Variants in PRSS12 observed in about 807,000 individuals in gnomAD.
PRSS12 encodes serine protease 12.
PRSS12 carries 85 observed loss-of-function variants against 104.4 expected under a neutral mutation model. The observed-to-expected ratio is 0.81, with a 90% CI of 0.68 to 0.98. The LOEUF (loss-of-function observed/expected upper bound fraction) is 0.98. Among genes scored for constraint, PRSS12 ranks in the 50% least tolerant of loss-of-function variants. The probability of loss-of-function intolerance (pLI) is 0.00; values close to 1 mark genes in which losing one functional copy is unlikely to be tolerated. For synonymous variants in PRSS12, 454 were observed against 425.2 expected, an observed-to-expected ratio of 1.07 and a Z score of -0.83; for missense variants, 1,141 against 1,139.2, an observed-to-expected ratio of 1.00 and a Z score of -0.02.
At chr4:118,295,720 A>C in intron 10 of PRSS12, 58 bp downstream of exon 10, 1 of 1,472,816 alleles carries the variant, frequency 6.8e-7, no homozygotes, top group Non-Finnish European at 9.5e-7. Flanking sequence ...AGTTTGTAAC[A>C]CTCTATGTAT....
intron 7 of PRSS12, among the ~76,000 whole-genome samples, chr4:118,310,697 T>C (rs1560773301): frequency 6.6e-6 from 1 of 152,214 alleles, no homozygotes; most frequent in African/African-American, 2.4e-5. Context: ...ATTATTTTTA[T>C]AAAATACTAC....
chr4:118,299,522 T>C (rs1743338374), intron 8 of PRSS12, among the ~76,000 whole-genome samples: 4 of 151,432 alleles, frequency 2.6e-5, no homozygotes, highest in South Asian at 4.2e-4. Context: ...CTACTAAAAA[T>C]ACAAAAATTT....
chr4:118,352,608 G>A lies in PRSS12; in HGVS notation c.113C>T (p.Pro38Leu). ...SLHHSHRHSP[P>L]AGPHYPYYLP... ...GTAATAGGGGTAGTGCGGACCCGCA[G>A]GGGGCGAATGGCGGTGGCTGTGGTG... The change falls in exon 1 of 13, where the codon CCT becomes CTT. Residue 38 changes from proline (P) to leucine (L), a missense_variant. Transcript: ENST00000296498. 6.2e-7 allele frequency: 1 copy of A among 1,610,788 alleles called. No homozygotes were observed. Among genetic ancestry groups the A allele is most frequent in the Non-Finnish European group, 8.5e-7 (1 of 1,178,670 alleles).
chr4:118,336,831 A>G (rs1724075707), intron 2 of PRSS12, among the ~76,000 whole-genome samples: 2 of 152,194 alleles, frequency 1.3e-5, no homozygotes, highest in African/African-American at 4.8e-5. Context: ...AATTTATTAC[A>G]TCTCTTGCCC....
intron 11 of PRSS12, among the ~76,000 whole-genome samples, chr4:118,284,285 T>C (rs1030335755): frequency 8.5e-5 from 13 of 152,178 alleles, no homozygotes; most frequent in Non-Finnish European, 1.9e-4. Context: ...TAGTCACGTG[T>C]TCCCTGTTAG....
chr4:118,334,612 ATTGGCTCTTC>A (rs1724016234), intron 3 of PRSS12, among the ~76,000 whole-genome samples: 2 of 152,180 alleles, frequency 1.3e-5, no homozygotes, highest in African/African-American at 4.8e-5. Context: ...ATATCCCTCC[ATTGGCTCTTC>A]CAGCCAATCC....
intron 11 of PRSS12, among the ~76,000 whole-genome samples, chr4:118,287,323 T>G (rs1743037079): frequency 6.6e-6 from 1 of 152,164 alleles, no homozygotes; most frequent in African/African-American, 2.4e-5. Context: ...TTTCAAAAAT[T>G]ATTTTTTGTA....
At chr4:118,302,462 A>C (rs1388217632) in intron 8 of PRSS12, among the ~76,000 whole-genome samples, 4 of 152,130 alleles carry the variant, frequency 2.6e-5, no homozygotes, top group Admixed American at 2.6e-4. Flanking sequence ...ACTGGTGAAA[A>C]GTCGCCCAGG....
intron 4 of PRSS12, among the ~76,000 whole-genome samples, chr4:118,318,845 A>G (rs972814): frequency 0.52 from 79,478 of 151,972 alleles, 21,119 homozygotes; most frequent in South Asian, 0.6. Context: ...CCAAAATTAA[A>G]ATCACATTTT....
chr4:118,318,315 C>G (rs1723501124), intron 5 of PRSS12, 63 bp downstream of exon 5: 1 of 1,494,108 alleles, frequency 6.7e-7, no homozygotes. Flanking sequence ...AGAAGGGAAG[C>G]TGTGGCAGGC....
At chr4:118,300,795 C>T (rs977194709) in intron 8 of PRSS12, among the ~76,000 whole-genome samples, 1 of 151,982 alleles carries the variant, frequency 6.6e-6, no homozygotes, top group Non-Finnish European at 1.5e-5. Flanking sequence ...TAATGGCATA[C>T]AATAGACAAA....
chr4:118,352,114 C>T, intron 1 of PRSS12, 105 bp downstream of exon 1: 1 of 1,503,406 alleles, frequency 6.7e-7, no homozygotes, highest in Non-Finnish European at 8.9e-7. Flanking sequence ...AAGCCCACAA[C>T]CCCACACACC....
chr4:118,331,777 C>T lies in PRSS12; in HGVS notation c.910G>A (p.Val304Ile), dbSNP rs781361976. ...ELYHAGQWGT[V>I]CDDQWDDADA... Reference sequence around the variant, plus strand: ...GCATCATCCCATTGGTCATCACAAACGGTTCCCCACTGGCCAGCATGGTAG... The same window carrying T: ...GCATCATCCCATTGGTCATCACAAATGGTTCCCCACTGGCCAGCATGGTAG... The change falls in exon 4 of 13, where the codon GTT becomes ATT. Residue 304 changes from valine (V) to isoleucine (I), a missense_variant. Coordinates refer to ENST00000296498, the MANE Select transcript of PRSS12 (RefSeq NM_003619.4). 22 of 1,614,058 alleles carry T rather than the reference C, an allele frequency of 1.4e-5. No individual in the cohort carries two copies. Among genetic ancestry groups the T allele is most frequent in the Admixed American group, 1.2e-4 (7 of 60,004 alleles).
In PRSS12 at chr4:118,298,821, A is replaced by G; in HGVS notation, c.1749T>C (p.Asp583=). Residue 583 remains aspartate (D), a synonymous_variant, in exon 9 of 13, where the codon GAT becomes GAC. Coordinates refer to ENST00000296498, the MANE Select transcript of PRSS12 (RefSeq NM_003619.4). ...TGTGGCGGCAGTTGTGTCTTCCAAT[A>G]TCTTGCTTGATACAGTCAGCCAAGG... ...ERSLADCIKQ[D]IGRHNCRHSE... 8.1e-6 allele frequency: 13 copies of G among 1,614,178 alleles called. No homozygotes were observed. Among genetic ancestry groups the G allele is most frequent in the Non-Finnish European group, 1.0e-5 (12 of 1,180,024 alleles).
At position 118,298,755 on chromosome 4, in the gene PRSS12, C is replaced by T. The variant is rs1043641989; in HGVS notation, c.1815G>A (p.Lys605=). The change falls in exon 9 of 13, where the codon AAG becomes AAA. Residue 605 remains lysine (K), a synonymous_variant. Coordinates refer to ENST00000296498, the MANE Select transcript of PRSS12 (RefSeq NM_003619.4). ...AGVICDYFGK[K]ASGNSNKESL... ...TACCTTTATTACTGTTACCTGAGGC[C>T]TTCTTGCCAAAATAATCACAAATAA... The T allele has an allele frequency of 1.2e-6, 2 of 1,614,066 alleles. No homozygotes were observed. The highest frequency in any genetic ancestry group is 1.3e-5 in the African/African-American group (1 of 74,936).
intron 2 of PRSS12, 71 bp from the exon 3 acceptor site, chr4:118,335,722 G>GA (rs917269467): frequency 3.8e-5 from 52 of 1,372,014 alleles, no homozygotes; most frequent in Middle Eastern, 1.8e-4. Flanking sequence ...ATTTGGATTT[G>GA]AAAAAAAATG....
chr4:118,348,895 A>G (rs1386620331), intron 1 of PRSS12, among the ~76,000 whole-genome samples: 1 of 152,044 alleles, frequency 6.6e-6, no homozygotes, highest in East Asian at 1.9e-4. Flanking sequence ...CAGGTGATCC[A>G]CCTGCCTCAG....
chr4:118,303,047 CAAT>C (rs2126030350), intron 8 of PRSS12, among the ~76,000 whole-genome samples: 1 of 151,836 alleles, frequency 6.6e-6, no homozygotes, highest in Admixed American at 6.6e-5. Flanking sequence ...AAGTAAACAA[CAAT>C]ATGTTAAATG....
intron 8 of PRSS12, among the ~76,000 whole-genome samples, chr4:118,301,495 G>A (rs1043841908): frequency 2.6e-5 from 4 of 152,016 alleles, no homozygotes; most frequent in African/African-American, 9.7e-5. Flanking sequence ...GATGAATTTG[G>A]AAGTCAAATC....
Sources: allele counts gnomAD v4.1 joint callset (sites outside exome capture counted in the v4.1 genomes callset), GRCh38; gene constraint gnomAD v4.1.1; transcripts MANE v1.5; gene names NCBI Gene and HGNC (gene_info 2026-07-23, HGNC 2026-07-21).